DMD: variants seen among roughly 807,000 people sequenced by gnomAD.
The protein encoded by DMD is dystrophin.
A neutral mutation model predicts 330.1 loss-of-function variants in DMD; 63 were observed. The ratio of observed to expected loss-of-function variants is 0.19; its 90% confidence interval spans 0.16 to 0.24. DMD has a LOEUF of 0.24. DMD is among the 10% of genes least tolerant of loss of function. The probability of loss-of-function intolerance (pLI) is 1.00; values close to 1 mark genes in which losing one functional copy is unlikely to be tolerated. For missense variants in DMD, 3,344 were observed against 2,684.1 expected (o/e 1.25, Z -5.43); for synonymous variants, 1,223 against 959.8 (o/e 1.27, Z -5.07).
intron 44 of DMD, among the ~76,000 whole-genome samples, chrX:32,110,243 G>T (rs2096583426): frequency 9.0e-6 from 1 of 111,640 alleles, no homozygotes; most frequent in African/African-American, 3.3e-5. Context: ...TCTGCAACAC[G>T]TTGCAGAGTA....
At chrX:31,715,440 G>GACT (rs2084969003) in intron 52 of DMD, among the ~76,000 whole-genome samples, 1 of 103,918 alleles carries the variant, frequency 9.6e-6, no homozygotes, top group Non-Finnish European at 2.0e-5. Context: ...CTACACGGGA[G>GACT]GCTGAGGCAG....
In DMD at chrX:32,724,402, A is replaced by G. The variant is rs151041955; in HGVS notation, c.650-25109T>C. Among the ~76,000 whole-genome samples the G allele has an allele frequency of 3.0e-4, 34 of 111,770 alleles. No individual in the cohort carries two copies. In the East Asian group the frequency reaches 5.6e-3, roughly 19 times the overall value. ...CTATGCAAATCTAGAGTAGTCTACTAAAGTCTGCTTTTTATATGCTTATTT... is the reference window on the plus strand; with the variant it reads ...CTATGCAAATCTAGAGTAGTCTACTGAAGTCTGCTTTTTATATGCTTATTT... On this transcript the variant is annotated intron_variant, in intron 7 of 78. Coordinates refer to ENST00000357033, the MANE Select transcript of DMD (RefSeq NM_004006.3).
intron 12 of DMD, among the ~76,000 whole-genome samples, chrX:32,599,115 G>C (rs1271610014): frequency 8.9e-6 from 1 of 112,228 alleles, no homozygotes; most frequent in East Asian, 2.8e-4. Flanking sequence ...CTAAATAGCT[G>C]TAAGACAAAA....
intron 43 of DMD, among the ~76,000 whole-genome samples, chrX:32,265,567 C>A (rs760539408): frequency 8.9e-6 from 1 of 112,092 alleles, no homozygotes; most frequent in Admixed American, 9.4e-5. Context: ...GGAACAGCCA[C>A]AGACACTCAA....
chrX:32,513,611 A>C (rs2045562974), intron 18 of DMD, among the ~76,000 whole-genome samples: 1 of 111,897 alleles, frequency 8.9e-6, no homozygotes, highest in African/African-American at 3.3e-5. Context: ...GGCTGTTTGC[A>C]GGGTGAAAGG....
At chrX:32,076,858 G>T (rs1392431259) in intron 44 of DMD, among the ~76,000 whole-genome samples, 1 of 111,267 alleles carries the variant, frequency 9.0e-6, no homozygotes, top group Non-Finnish European at 1.9e-5. Context: ...GAGGGGTTCT[G>T]CAAACTGCAC....
chrX:31,295,058 G>A (rs2054061702), intron 62 of DMD, among the ~76,000 whole-genome samples: 1 of 110,862 alleles, frequency 9.0e-6, no homozygotes, highest in Non-Finnish European at 1.9e-5. Flanking sequence ...GTGCAGTAGC[G>A]CGATCTCGGC....
At chrX:32,195,219 T>C (rs1053011339) in intron 44 of DMD, among the ~76,000 whole-genome samples, 15 of 111,393 alleles carry the variant, frequency 1.3e-4, no homozygotes, top group African/African-American at 4.6e-4. Flanking sequence ...GTGAAATAGA[T>C]GAGGGCTGGG....
intron 43 of DMD, among the ~76,000 whole-genome samples, chrX:32,231,205 A>T (rs1303725655): frequency 8.9e-6 from 1 of 112,606 alleles, no homozygotes; most frequent in Non-Finnish European, 1.9e-5. Flanking sequence ...AAAAAAATTT[A>T]ACTTACTTTT....
chrX:32,389,743 T>C (rs1051974695), intron 31 of DMD, 69 bp from the exon 32 acceptor site: 5 of 989,822 alleles, frequency 5.1e-6, no homozygotes, highest in Admixed American at 4.5e-5. Context: ...CCTATTTTTA[T>C]TGATAGATCT....
At chrX:32,591,212 A>G (rs912716880) in intron 13 of DMD, among the ~76,000 whole-genome samples, 19 of 111,868 alleles carry the variant, frequency 1.7e-4, no homozygotes, top group African/African-American at 5.9e-4. Context: ...TAACTTCAAT[A>G]TTAAAGTATT....
intron 54 of DMD, among the ~76,000 whole-genome samples, chrX:31,646,525 C>T (rs1427661243): frequency 9.0e-6 from 1 of 111,393 alleles, no homozygotes; most frequent in African/African-American, 3.3e-5. Flanking sequence ...GATACCAATG[C>T]TGCCAGTCAG....
chrX:32,647,624 G>T (rs1443985076), intron 9 of DMD, among the ~76,000 whole-genome samples: 1 of 111,963 alleles, frequency 8.9e-6, no homozygotes, highest in Non-Finnish European at 1.9e-5. Flanking sequence ...ACCTAGCCCT[G>T]CATAAGCCTT....
chrX:33,164,792 G>A (rs904865674), intron 1 of DMD, among the ~76,000 whole-genome samples: 13 of 110,943 alleles, frequency 1.2e-4, no homozygotes, highest in African/African-American at 4.3e-4. Context: ...TGATCTATTA[G>A]CATGGCTAAT....
At chrX:32,520,626 T>A (rs941956135) in intron 17 of DMD, among the ~76,000 whole-genome samples, 1 of 111,684 alleles carries the variant, frequency 9.0e-6, no homozygotes, top group Admixed American at 9.5e-5. Flanking sequence ...CCTGCATGAT[T>A]GAGCCCCAGT....
intron 53 of DMD, among the ~76,000 whole-genome samples, chrX:31,674,548 C>G (rs1436330387): frequency 1.8e-5 from 2 of 112,173 alleles, no homozygotes; most frequent in African/African-American, 6.5e-5. Flanking sequence ...TTCATGTACT[C>G]TTAGCTCAGC....
At chrX:31,716,207 A>G (rs2085033761) in intron 52 of DMD, among the ~76,000 whole-genome samples, 1 of 112,051 alleles carries the variant, frequency 8.9e-6, no homozygotes, top group Admixed American at 9.5e-5. Context: ...TCTCTAGCTG[A>G]ACCACCAGTT....
chrX:32,638,141 C>A (rs1318773348), intron 11 of DMD, among the ~76,000 whole-genome samples: 2 of 111,825 alleles, frequency 1.8e-5, no homozygotes, highest in Admixed American at 1.9e-4. Flanking sequence ...ATAATTCCTA[C>A]TTCTTATTAG....
chrX:32,455,987 A>G (rs2098356170), intron 25 of DMD, among the ~76,000 whole-genome samples: 1 of 111,503 alleles, frequency 9.0e-6, no homozygotes, highest in Non-Finnish European at 1.9e-5. Context: ...CTATAGTATT[A>G]CAATCATTAT....
Sources: gnomAD v4.1 joint callset for allele counts (sites outside exome capture counted in the v4.1 genomes callset) on GRCh38, gnomAD v4.1.1 for gene constraint, MANE v1.5 for transcripts, NCBI Gene and HGNC (gene_info 2026-07-23, HGNC 2026-07-21) for gene names.